The following GMDS variants were observed in gnomAD, a reference collection of about 807,000 sequenced individuals.
GMDS encodes the protein GDP-mannose 4,6 dehydratase.
Under a neutral mutation model 49.9 loss-of-function variants are expected in GMDS, and 20 were observed. The ratio of observed to expected loss-of-function variants is 0.40; its 90% CI spans 0.28 to 0.58. GMDS has a LOEUF of 0.58. Among genes scored for constraint, GMDS ranks in the 20% least tolerant of loss-of-function variants. The probability of loss-of-function intolerance (pLI) is 0.42; values close to 1 mark genes in which losing one functional copy is unlikely to be tolerated. For missense variants in GMDS, 362 were observed against 481.4 expected (o/e 0.75, Z 2.32); for synonymous variants, 177 against 178.6 (o/e 0.99, Z 0.07).
intron 9 of GMDS, among the ~76,000 whole-genome samples, chr6:1,692,405 T>C (rs1420042729): frequency 6.6e-6 from 1 of 152,258 alleles, no homozygotes; most frequent in Non-Finnish European, 1.5e-5. Context: ...TGCTGACTAA[T>C]ACAGGGTTTG....
At chr6:1,852,778 C>T (rs189218295) in intron 7 of GMDS, among the ~76,000 whole-genome samples, 2 of 148,996 alleles carry the variant, frequency 1.3e-5, no homozygotes, top group East Asian at 2.0e-4. Context: ...GTGATCTCGG[C>T]GCGATGCAAC....
intron 7 of GMDS, among the ~76,000 whole-genome samples, chr6:1,764,288 A>C (rs765167558): frequency 2.6e-5 from 4 of 152,160 alleles, no homozygotes; most frequent in Non-Finnish European, 4.4e-5. Context: ...GTGGGATGTG[A>C]GAGCCGAGAG....
intron 1 of GMDS, among the ~76,000 whole-genome samples, chr6:2,211,766 G>C (rs1004335592): frequency 1.4e-4 from 22 of 152,276 alleles, no homozygotes; most frequent in African/African-American, 5.3e-4. Flanking sequence ...ACATTAGTGA[G>C]AATGAGCCCA....
At chr6:1,759,264 G>T (rs1425175212) in intron 7 of GMDS, among the ~76,000 whole-genome samples, 7 of 152,232 alleles carry the variant, frequency 4.6e-5, no homozygotes, top group African/African-American at 1.4e-4. Context: ...CACAGCCACA[G>T]AATTTAATAG....
intron 9 of GMDS, among the ~76,000 whole-genome samples, chr6:1,714,719 T>A (rs563589094): frequency 2.0e-5 from 3 of 152,228 alleles, no homozygotes; most frequent in Non-Finnish European, 4.4e-5. Context: ...GAGCCGGCAA[T>A]GCCTCCAGTT....
chr6:2,106,189 T>C (rs75570691), intron 4 of GMDS, among the ~76,000 whole-genome samples: 9,405 of 152,334 alleles, frequency 0.062, 360 homozygotes, highest in South Asian at 0.12. Flanking sequence ...AGAAATCTGA[T>C]ACATTCAAAC....
At chr6:2,147,989 A>G (rs1401711309) in intron 1 of GMDS, among the ~76,000 whole-genome samples, 1 of 151,858 alleles carries the variant, frequency 6.6e-6, no homozygotes, top group Non-Finnish European at 1.5e-5. Context: ...AATCTTGGGT[A>G]AAAGCCTCTA....
intron 4 of GMDS, among the ~76,000 whole-genome samples, chr6:2,058,481 C>T (rs1370990567): frequency 6.6e-6 from 1 of 152,028 alleles, no homozygotes; most frequent in Non-Finnish European, 1.5e-5. Flanking sequence ...GACTAAAACA[C>T]CAAACCCCCA....
At chr6:1,983,763 C>T (rs1172293492) in intron 4 of GMDS, among the ~76,000 whole-genome samples, 1 of 152,186 alleles carries the variant, frequency 6.6e-6, no homozygotes, top group Non-Finnish European at 1.5e-5. Flanking sequence ...TGGTTTTACA[C>T]TGTTGGTTGG....
intron 4 of GMDS, among the ~76,000 whole-genome samples, chr6:2,018,803 A>G (rs916362303): frequency 2.0e-5 from 3 of 152,164 alleles, no homozygotes; most frequent in African/African-American, 7.2e-5. Context: ...ACATTCATGT[A>G]CAGGTTTTTC....
rs1303150716 is a variant in GMDS at position 1,930,126 on chromosome 6, C to A, written c.748G>T (p.Gly250Cys). The change falls in exon 7 of 11, where the codon GGC (glycine) becomes TGC (cysteine). Residue 250 changes from glycine to cysteine, a missense_variant. Coordinates refer to ENST00000380815, the MANE Select transcript of GMDS (RefSeq NM_001500.4). ...LGNLDAKRDW[G>C]HAKDYVEAMW... ...ACCTCCACATAGTCCTTGGCATGGC[C>A]CCAATCTCGTTTGGCATCCAGATTT... 6.2e-7 allele frequency: 1 copy of A among 1,612,496 alleles called. No individual in the cohort carries two copies. The highest frequency in any genetic ancestry group is 8.5e-7 in the Non-Finnish European group (1 of 1,179,110).
chr6:1,808,020 A>G (rs1770254198), intron 7 of GMDS, among the ~76,000 whole-genome samples: 1 of 152,208 alleles, frequency 6.6e-6, no homozygotes, highest in South Asian at 2.1e-4. Context: ...TAGACTATAT[A>G]AATAACTAGA....
intron 4 of GMDS, among the ~76,000 whole-genome samples, chr6:1,969,261 C>CAAAAAAAAA (rs761741871): frequency 2.8e-4 from 4 of 14,094 alleles, no homozygotes; most frequent in Non-Finnish European, 5.7e-4. Flanking sequence ...GGCTCCATCT[C>CAAAAAAAAA]AAAAAAAAAA....
chr6:2,177,469 G>A (rs1297735789), intron 1 of GMDS, among the ~76,000 whole-genome samples: 2 of 152,096 alleles, frequency 1.3e-5, no homozygotes, highest in African/African-American at 2.4e-5. Context: ...ACTGAATCTA[G>A]CAGCACATCA....
intron 8 of GMDS, among the ~76,000 whole-genome samples, chr6:1,738,493 T>C (rs1767136003): frequency 6.6e-6 from 1 of 152,236 alleles, no homozygotes; most frequent in Non-Finnish European, 1.5e-5. Flanking sequence ...GTGTCAAGCC[T>C]TTTCGGAGAA....
chr6:2,172,783 G>A (rs1448705621), intron 1 of GMDS, among the ~76,000 whole-genome samples: 1 of 152,060 alleles, frequency 6.6e-6, no homozygotes, highest in Non-Finnish European at 1.5e-5. Flanking sequence ...CATTAGAAGA[G>A]CACACACCTC....
intron 1 of GMDS, among the ~76,000 whole-genome samples, chr6:2,174,989 G>A (rs1022736187): frequency 4.6e-5 from 7 of 152,258 alleles, no homozygotes; most frequent in Admixed American, 2.6e-4. Flanking sequence ...GCCACTGTGG[G>A]GCATCAGGGC....
intron 9 of GMDS, among the ~76,000 whole-genome samples, chr6:1,630,651 A>G (rs2569855): frequency 0.32 from 48,198 of 152,140 alleles, 7,738 homozygotes; most frequent in East Asian, 0.48. Context: ...AAATAACCAT[A>G]TAAGACTTTG....
At chr6:2,067,926 T>A (rs1771721790) in intron 4 of GMDS, among the ~76,000 whole-genome samples, 1 of 151,698 alleles carries the variant, frequency 6.6e-6, no homozygotes, top group Non-Finnish European at 1.5e-5. Context: ...GAGGCCAGCA[T>A]CATCCTGATA....
Sources: allele counts gnomAD v4.1 joint callset (sites outside exome capture counted in the v4.1 genomes callset), GRCh38; gene constraint gnomAD v4.1.1; transcripts MANE v1.5; gene names NCBI Gene and HGNC (gene_info 2026-07-23, HGNC 2026-07-21).